Variants in WWC1 observed in about 807,000 individuals in gnomAD.
WWC1 encodes WW and C2 domain containing 1, also known as protein KIBRA.
Under a neutral mutation model 138.4 loss-of-function variants are expected in WWC1, and 55 were observed. The ratio of observed to expected loss-of-function variants is 0.40; its 90% CI spans 0.32 to 0.50. The LOEUF is 0.50. WWC1 is among the 20% of genes least tolerant of loss of function. WWC1 has a pLI of 0.72. For synonymous variants in WWC1, 524 were observed against 564.9 expected (o/e 0.93, Z 1.03); for missense variants, 1,226 against 1,420.4 (o/e 0.86, Z 2.20).
At chr5:168,375,823 C>T (rs993761028) in intron 2 of WWC1, among the ~76,000 whole-genome samples, 7 of 152,060 alleles carry the variant, frequency 4.6e-5, no homozygotes, top group Non-Finnish European at 8.8e-5. Context: ...GATCTGCCCA[C>T]CTTGGCCTCC....
chr5:168,451,333 T>C (rs1383435797), intron 17 of WWC1, among the ~76,000 whole-genome samples: 1 of 152,146 alleles, frequency 6.6e-6, no homozygotes, highest in Non-Finnish European at 1.5e-5. Context: ...AAAACCTGAT[T>C]TTTAAGGGGC....
chr5:168,381,250 T>C (rs1234229581), intron 2 of WWC1, among the ~76,000 whole-genome samples: 2 of 152,180 alleles, frequency 1.3e-5, no homozygotes, highest in Non-Finnish European at 2.9e-5. Context: ...GGGTCTCATA[T>C]ACCTTTATAG....
At chr5:168,343,650 C>T (rs532784006) in intron 1 of WWC1, among the ~76,000 whole-genome samples, 17 of 152,080 alleles carry the variant, frequency 1.1e-4, no homozygotes, top group African/African-American at 3.1e-4. Context: ...GGTGAAACCC[C>T]GTCTCTACTA....
intron 1 of WWC1, among the ~76,000 whole-genome samples, chr5:168,355,466 C>T (rs1185707053): frequency 7.1e-6 from 1 of 141,016 alleles, no homozygotes. Flanking sequence ...TACACTCCAG[C>T]CTGGGTGACA....
rs67198550 is a variant in WWC1 at position 168,357,448 on chromosome 5, C to CTGTGTG, written c.120-13935_120-13930dup. Among the ~76,000 whole-genome samples the CTGTGTG allele has an allele frequency of 7.0e-3, 939 of 134,496 alleles. 8 individuals carry two copies. Among genetic ancestry groups the CTGTGTG allele is most frequent in the Non-Finnish European group, 8.7e-3 (555 of 63,862 alleles). 88.2% of individuals were successfully genotyped at this position (134,496 alleles called of 152,430 possible). ...ACCATCTGGAGTGGCAACCTGCCTTCTGTGTGTGTGTGTGTGTGTGTGTGT... is the reference window on the plus strand; with the variant it reads ...ACCATCTGGAGTGGCAACCTGCCTTCTGTGTGTGTGTGTGTGTGTGTGTGTGTGTGT... On this transcript the variant is annotated intron_variant, in intron 1 of 22. Transcript: ENST00000265293.
At chr5:168,385,518 C>T (rs1777978168) in intron 3 of WWC1, 104 bp downstream of exon 3, 3 of 1,200,120 alleles carry the variant, frequency 2.5e-6, no homozygotes, top group Non-Finnish European at 3.5e-6. Flanking sequence ...CTCTTCACCT[C>T]TACTCTTTGT....
intron 5 of WWC1, 93 bp from the exon 6 acceptor site, chr5:168,406,105 G>T: frequency 6.8e-7 from 1 of 1,476,228 alleles, no homozygotes; most frequent in Non-Finnish European, 9.2e-7. Context: ...GCCTTCTTAA[G>T]GGACTGAAGT....
At chr5:168,305,649 C>T (rs750045373) in intron 1 of WWC1, among the ~76,000 whole-genome samples, 4 of 152,108 alleles carry the variant, frequency 2.6e-5, no homozygotes, top group Non-Finnish European at 5.9e-5. Flanking sequence ...CTGCAATGGA[C>T]GAATAAGGAG....
chr5:168,359,034 G>GTT (rs1491579840), intron 1 of WWC1, among the ~76,000 whole-genome samples: 2 of 6,860 alleles, frequency 2.9e-4, no homozygotes, highest in African/African-American at 1.8e-3. Context: ...TGGTGGTGGG[G>GTT]TGTGTGTGTG....
At chr5:168,380,335 G>A (rs1777522445) in intron 2 of WWC1, among the ~76,000 whole-genome samples, 1 of 152,094 alleles carries the variant, frequency 6.6e-6, no homozygotes, top group African/African-American at 2.4e-5. Context: ...CTGGGGCATG[G>A]TGGTACATGC....
intron 1 of WWC1, among the ~76,000 whole-genome samples, chr5:168,344,403 A>G (rs1290650651): frequency 6.6e-6 from 1 of 152,222 alleles, no homozygotes; most frequent in Non-Finnish European, 1.5e-5. Context: ...TCTTGGGCAC[A>G]TTCTTTACAT....
chr5:168,403,871 T>TACAC (rs57788100), intron 5 of WWC1, among the ~76,000 whole-genome samples: 17,118 of 134,112 alleles, frequency 0.13, 1,268 homozygotes, highest in Non-Finnish European at 0.18. Flanking sequence ...AACACATGCA[T>TACAC]ACACACACAC....
intron 1 of WWC1, among the ~76,000 whole-genome samples, chr5:168,340,011 T>C (rs56291810): frequency 0.49 from 64,494 of 132,812 alleles, 17,131 homozygotes; most frequent in Non-Finnish European, 0.6. Flanking sequence ...CTCTCTTTCT[T>C]TCTTTTCTTT....
chr5:168,309,588 T>G (rs1770879439), intron 1 of WWC1, among the ~76,000 whole-genome samples: 1 of 152,140 alleles, frequency 6.6e-6, no homozygotes, highest in African/African-American at 2.4e-5. Flanking sequence ...CCACCCTTTC[T>G]TTTGCAGGCT....
rs1460038588 is a variant in WWC1, at chr5:168,386,455, C to T, written c.433+1041C>T. On this transcript the variant is annotated intron_variant, in intron 3 of 22. Coordinates refer to ENST00000265293, the MANE Select transcript of WWC1 (RefSeq NM_015238.3). ...TTGCCCAGGCTGGAGTGCAGTGGCG[C>T]GATCTCTGCTCGCTGCAAGCTCCGC... Among the ~76,000 whole-genome samples the T allele has an allele frequency of 5.3e-5, 8 of 151,410 alleles. 1 individual carries two copies. The highest frequency in any genetic ancestry group is 1.7e-4 in the African/African-American group (7 of 41,190).
At chr5:168,412,069 T>C in intron 8 of WWC1, 1 of 985,474 alleles carries the variant, frequency 1.0e-6, no homozygotes, top group East Asian at 1.1e-4. Context: ...TTGTTCTCTC[T>C]GAAGAGGACC....
At chr5:168,308,661 G>T (rs1770793422) in intron 1 of WWC1, among the ~76,000 whole-genome samples, 1 of 152,174 alleles carries the variant, frequency 6.6e-6, no homozygotes, top group Non-Finnish European at 1.5e-5. Context: ...ATCTCTGGAG[G>T]TGGAACCCAG....
intron 21 of WWC1, among the ~76,000 whole-genome samples, chr5:168,466,917 T>TA (rs397881654): frequency 3.4e-3 from 476 of 138,946 alleles, no homozygotes; most frequent in African/African-American, 9.6e-3. Context: ...TTTCAAATAG[T>TA]AAAAAAAAAA....
intron 5 of WWC1, 113 bp from the exon 6 acceptor site, chr5:168,406,085 A>G (rs1289540186): frequency 7.5e-7 from 1 of 1,336,486 alleles, no homozygotes; most frequent in Non-Finnish European, 1.0e-6. Context: ...TTAGCAGGAC[A>G]GAGGGAGGGG....
Sources: gnomAD v4.1 joint callset for allele counts (sites outside exome capture counted in the v4.1 genomes callset) on GRCh38, gnomAD v4.1.1 for gene constraint, MANE v1.5 for transcripts, NCBI Gene and HGNC (gene_info 2026-07-23, HGNC 2026-07-21) for gene names.